Variants in UBE4B observed in about 807,000 individuals in gnomAD.
UBE4B encodes ubiquitin conjugation factor E4 B.
In UBE4B, 27 loss-of-function variants were observed where a neutral mutation model predicts 148.1. The ratio of observed to expected loss-of-function variants is 0.18; its 90% CI spans 0.13 to 0.25. UBE4B has a LOEUF of 0.25. UBE4B is among the 10% of genes least tolerant of loss of function. UBE4B has a pLI of 1.00. For synonymous variants in UBE4B, 596 were observed against 619.3 expected (o/e 0.96, Z 0.56); for missense variants, 1,170 against 1,662.4 (o/e 0.70, Z 5.15).
intron 7 of UBE4B, among the ~76,000 whole-genome samples, chr1:10,113,799 G>C (rs1206932672): frequency 6.6e-6 from 1 of 152,104 alleles, no homozygotes; most frequent in Non-Finnish European, 1.5e-5. Context: ...GGACGCAGTG[G>C]CTCACGCCTG....
chr1:10,175,738 C>T (rs1333350740), intron 25 of UBE4B, among the ~76,000 whole-genome samples: 1 of 152,142 alleles, frequency 6.6e-6, no homozygotes, highest in Admixed American at 6.6e-5. Flanking sequence ...GTCAGTCTTT[C>T]CTAAGTAATT....
chr1:10,134,078 C>CATTT (rs1280295772), intron 15 of UBE4B, among the ~76,000 whole-genome samples: 1 of 149,572 alleles, frequency 6.7e-6, no homozygotes. Context: ...AAGAAAGAAA[C>CATTT]ATTTATTGTG....
At chr1:10,094,640 T>C (rs1015202793) in intron 2 of UBE4B, among the ~76,000 whole-genome samples, 1 of 151,956 alleles carries the variant, frequency 6.6e-6, no homozygotes, top group Non-Finnish European at 1.5e-5. Context: ...TTCACCATGT[T>C]AGCCAGGATG....
intron 9 of UBE4B, among the ~76,000 whole-genome samples, chr1:10,121,383 A>C (rs75685541): frequency 6.6e-6 from 1 of 152,060 alleles, no homozygotes; most frequent in Non-Finnish European, 1.5e-5. Flanking sequence ...AACAAAAAAA[A>C]CATATAATAC....
chr1:10,141,255 T>C (rs1179913423), intron 17 of UBE4B, among the ~76,000 whole-genome samples: 2 of 152,214 alleles, frequency 1.3e-5, no homozygotes, highest in Admixed American at 1.3e-4. Context: ...ATCAGGTTCA[T>C]GATCTTGAGG....
intron 23 of UBE4B, among the ~76,000 whole-genome samples, chr1:10,165,553 A>G (rs1392865499): frequency 2.0e-5 from 3 of 152,114 alleles, no homozygotes; most frequent in African/African-American, 7.2e-5. Flanking sequence ...AGAGCAGCCT[A>G]CAGCACGCAG....
chr1:10,105,605 A>C lies in UBE4B; in HGVS notation c.670A>C (p.Ser224Arg). 6.2e-7 allele frequency: 1 copy of C among 1,614,248 alleles called. No individual in the cohort carries two copies. Among genetic ancestry groups the C allele is most frequent in the Non-Finnish European group, 8.5e-7 (1 of 1,180,042 alleles). ...GACCAGAGATGAAAACCCATTTGCC[A>C]GTCTGACAGCCACATCACAGCCAAT... is the stretch of plus-strand genomic sequence containing the variant. Reference protein sequence around the residue: ...TQTRDENPFASLTATSQPIAA... With the variant: ...TQTRDENPFARLTATSQPIAA... Residue 224 changes from serine to arginine, a missense_variant, in exon 6 of 28, where the codon AGT (serine) becomes CGT (arginine). Physicochemically the swap from Ser to Arg is moderately radical, Grantham distance 110. Around this residue, in one of 6 missense-constraint regions of UBE4B, gnomAD observed 91 missense variants for 120.5 expected, o/e 0.76. Transcript: ENST00000343090.
Position 10,158,403 on chromosome 1 carries a change from A to G in UBE4B, c.2974A>G (p.Ile992Val). The change falls in exon 22 of 28, where the codon ATT (isoleucine) becomes GTT (valine). Residue 992 changes from isoleucine (I) to valine (V), a missense_variant. Physicochemically the swap from Ile to Val is conservative, Grantham distance 29. Around this residue, in one of 6 missense-constraint regions of UBE4B, gnomAD observed 348 missense variants for 627.2 expected, o/e 0.55. Transcript: ENST00000343090. The part of the protein sequence containing the change: ...ATSEFYDKFT[I>V]RYHISTIFKS... ...CAGTGAGTTTTATGACAAGTTCACAATTCGCTATCATATTAGCACCATTTT... is the reference window on the plus strand; with the variant it reads ...CAGTGAGTTTTATGACAAGTTCACAGTTCGCTATCATATTAGCACCATTTT... The G allele has an allele frequency of 6.2e-7, 1 of 1,614,186 alleles. No individual in the cohort carries two copies. The highest frequency in any genetic ancestry group is 1.1e-5 in the South Asian group (1 of 91,086).
At chr1:10,179,316 G>A in intron 26 of UBE4B, 100 bp from the exon 27 acceptor site, 1 of 1,488,452 alleles carries the variant, frequency 6.7e-7, no homozygotes, top group Non-Finnish European at 9.1e-7. Flanking sequence ...TTTGATTGCT[G>A]TTCCTTTGGA....
In UBE4B at chr1:10,162,607, C is replaced by CTT. The variant is rs61393825; in HGVS notation, c.3198+1337_3198+1338dup. On this transcript the variant is annotated intron_variant, in intron 23 of 27. Coordinates refer to ENST00000343090, the MANE Select transcript of UBE4B (RefSeq NM_001105562.3). ...ACAGGCGTGAGTCACCGCGCCCAGA[C>CTT]TTTTTTTTTTTTTTTTTCTTTTTTA... Among the ~76,000 whole-genome samples the CTT allele has an allele frequency of 3.3e-3, 441 of 135,146 alleles. 1 individual carries two copies. Among genetic ancestry groups the CTT allele is most frequent in the African/African-American group, 8.5e-3 (316 of 37,270 alleles). The allele number at this position is 135,146 out of a possible 152,430, so 88.7% of individuals were successfully genotyped here.
chr1:10,159,378 T>C (rs1301891179), intron 22 of UBE4B, among the ~76,000 whole-genome samples: 1 of 152,118 alleles, frequency 6.6e-6, no homozygotes, highest in East Asian at 1.9e-4. Context: ...TCAAAAATTT[T>C]ATCCCATCTA....
intron 19 of UBE4B, among the ~76,000 whole-genome samples, chr1:10,148,525 G>A (rs1318689681): frequency 3.3e-5 from 5 of 151,348 alleles, no homozygotes; most frequent in East Asian, 1.9e-4. Flanking sequence ...CCAGCTACTC[G>A]GGAGGCTGAG....
In UBE4B at chr1:10,074,832, T is replaced by C. The variant is rs187244016; in HGVS notation, c.211+2618T>C. 1.6e-4 allele frequency among the ~76,000 whole-genome samples: 24 copies of C among 152,342 alleles called. No individual in the cohort carries two copies. The East Asian group carries it at 3.7e-3, about 23-fold the overall frequency. ...ATCCAGCTTTATTCTCTTACTGTTG[T>C]CATCCAGTGTCCTGGCTTTAATTAC... On this transcript the variant is annotated intron_variant, in intron 2 of 27. Coordinates refer to ENST00000343090, the MANE Select transcript of UBE4B (RefSeq NM_001105562.3).
chr1:10,070,487 T>C (rs1037795875), intron 1 of UBE4B, among the ~76,000 whole-genome samples: 1 of 150,676 alleles, frequency 6.6e-6, no homozygotes, highest in Non-Finnish European at 1.5e-5. Context: ...AGAATCTCAC[T>C]CCTGCCTCTC....
At chr1:10,097,446 C>T (rs1644946634) in intron 3 of UBE4B, among the ~76,000 whole-genome samples, 4 of 152,128 alleles carry the variant, frequency 2.6e-5, no homozygotes, top group African/African-American at 9.7e-5. Flanking sequence ...TCTTATTCCA[C>T]ATTTTTTTCT....
At chr1:10,083,544 A>T (rs1448765694) in intron 2 of UBE4B, among the ~76,000 whole-genome samples, 1 of 152,174 alleles carries the variant, frequency 6.6e-6, no homozygotes, top group Non-Finnish European at 1.5e-5. Context: ...CCTATCATTG[A>T]TTGCTATATT....
chr1:10,138,682 T>C (rs1645736455), intron 17 of UBE4B, among the ~76,000 whole-genome samples: 1 of 152,192 alleles, frequency 6.6e-6, no homozygotes, highest in Non-Finnish European at 1.5e-5. Flanking sequence ...TTTAGTACAA[T>C]GTTGAATAGA....
chr1:10,055,012 C>T (rs777440758), intron 1 of UBE4B, among the ~76,000 whole-genome samples: 33 of 152,006 alleles, frequency 2.2e-4, no homozygotes, highest in Non-Finnish European at 1.3e-4. Flanking sequence ...GCTTGAACTC[C>T]GGACCTCAGG....
intron 4 of UBE4B, among the ~76,000 whole-genome samples, chr1:10,101,424 GATTTTAT>G (rs1645007938): frequency 1.4e-5 from 2 of 144,410 alleles, no homozygotes; most frequent in African/African-American, 2.5e-5. Flanking sequence ...TCAGGGCCAT[GATTTTAT>G]CAGTAAATTT....
Sources: allele counts gnomAD v4.1 joint callset (sites outside exome capture counted in the v4.1 genomes callset), GRCh38; gene constraint gnomAD v4.1.1; regional missense constraint gnomAD v4.1.1; transcripts MANE v1.5; gene names NCBI Gene and HGNC (gene_info 2026-07-23, HGNC 2026-07-21).